Variants in DHX58 observed in about 807,000 individuals in gnomAD.
The protein encoded by DHX58 is ATP-dependent RNA helicase DHX58.
Under a neutral mutation model 65.0 loss-of-function variants are expected in DHX58, and 51 were observed. That is an observed-to-expected ratio of 0.78 (90% CI 0.63 to 0.99). DHX58 has a LOEUF of 0.99. Ranked by LOEUF, DHX58 falls within the 50% of genes least tolerant of loss-of-function variation. The pLI is 0.00. For missense variants in DHX58, 773 were observed against 891.8 expected, an observed-to-expected ratio of 0.87 and a Z score of 1.70; for synonymous variants, 350 against 365.0, an observed-to-expected ratio of 0.96 and a Z score of 0.47.
Position 42,112,195 on chromosome 17 carries a change from G to A in DHX58, c.-84C>T. 3.7e-6 allele frequency: 1 copy of A among 267,334 alleles called. No homozygotes were observed. Among genetic ancestry groups the A allele is most frequent in the Non-Finnish European group, 7.0e-6 (1 of 142,458 alleles). 16.6% of individuals were successfully genotyped at this position (267,334 alleles called of 1,614,324 possible). ...TCTGCTCAGCTCAGAGACCCAAGAT[G>A]GAAACTGAAACTGAGGGAAGGAGCC... On this transcript the variant is annotated 5_prime_UTR_variant, in exon 2 of 14. Coordinates refer to ENST00000251642, the MANE Select transcript of DHX58 (RefSeq NM_024119.3).
Position 42,101,618 on chromosome 17 carries a change from G to C in DHX58, c.*143C>G, listed in dbSNP as rs1229337330. 3 of 1,130,250 alleles carry C rather than the reference G, an allele frequency of 2.7e-6. No individual in the cohort carries two copies. The highest frequency in any genetic ancestry group is 5.3e-5 in the Admixed American group (2 of 37,518). 70.0% of individuals were successfully genotyped at this position (1,130,250 alleles called of 1,614,324 possible). A position where few individuals can be genotyped will look rare whatever the true frequency, so the allele number is the denominator to read the frequency against. On this transcript the variant is annotated 3_prime_UTR_variant, in exon 14 of 14. Coordinates refer to ENST00000251642, the MANE Select transcript of DHX58 (RefSeq NM_024119.3). ...CTCCGGTTGTTTTCCCATTGCGGGA[G>C]CCTAAGCCAGGGTGCCCAGGACTCC...
At chr17:42,105,701 C>CT in intron 9 of DHX58, 35 bp downstream of exon 9, 1 of 1,526,818 alleles carries the variant, frequency 6.5e-7, no homozygotes, top group South Asian at 1.3e-5. Context: ...TATGGAATCC[C>CT]TCCCAGCGCC....
chr17:42,111,548 G>A (rs782068920), intron 3 of DHX58, 51 bp from the exon 4 acceptor site: 1 of 1,606,116 alleles, frequency 6.2e-7, no homozygotes, highest in Non-Finnish European at 8.5e-7. Flanking sequence ...GGGGCCAGGG[G>A]TAGGGAGGCG....
rs1289430903 is a variant in DHX58 at position 42,105,729 on chromosome 17, C to T, written c.1251+7G>A. On this transcript the variant is annotated splice_region_variant and intron_variant, in intron 9 of 13. Transcript: ENST00000251642. The stretch of plus-strand genomic sequence containing the variant: ...CCAGCGCCAGCATCTTTCCCCGAAG[C>T]CCACACCTGGGTCATGTGGGTGCTC... The T allele has an allele frequency of 2.6e-6, 4 of 1,545,586 alleles. No individual in the cohort carries two copies. The highest frequency in any genetic ancestry group is 1.3e-5 in the South Asian group (1 of 79,926).
chr17:42,105,268 C>A, intron 9 of DHX58, 101 bp from the exon 10 acceptor site: 1 of 1,403,086 alleles, frequency 7.1e-7, no homozygotes, highest in Non-Finnish European at 9.5e-7. Context: ...CCCTCACTCC[C>A]AATCTTGGTC....
chr17:42,104,954 G>C (rs1555662289), intron 10 of DHX58, 27 bp from the exon 11 acceptor site: 1 of 1,613,402 alleles, frequency 6.2e-7, no homozygotes. Context: ...GGGGTGTCCT[G>C]AGTTGGGCTG....
At chr17:42,112,079 G>C (rs1555664522) in intron 2 of DHX58, 34 bp downstream of exon 2, 1 of 691,390 alleles carries the variant, frequency 1.4e-6, no homozygotes, top group South Asian at 2.3e-5. Context: ...AGTAACACAG[G>C]CTACACCTGC....
At position 42,111,431 on chromosome 17, in the gene DHX58, TTG is replaced by T. The variant is rs1555664220; in HGVS notation, c.233_234del (p.Thr78AsnfsTer20). On this transcript the variant is annotated frameshift_variant, in exon 4 of 14. Coordinates refer to ENST00000251642, the MANE Select transcript of DHX58 (RefSeq NM_024119.3). LOFTEE classifies it high-confidence loss of function. ...RRMLDGRWTV[T>X]TLSGDMGPRA... ...CGTGGTCCCATGTCCCCACTCAGGGTTGTCACGGTCCAGCGTCCATCCAGCAT... is the reference window on the plus strand; with the variant it reads ...CGTGGTCCCATGTCCCCACTCAGGGTTCACGGTCCAGCGTCCATCCAGCAT... 1 of 1,614,062 alleles carries T rather than the reference TTG, an allele frequency of 6.2e-7. No homozygotes were observed. The highest frequency in any genetic ancestry group is 1.1e-5 in the South Asian group (1 of 91,078).
intron 8 of DHX58, 72 bp downstream of exon 8, chr17:42,107,532 C>CTGTG (rs1333761660): frequency 9.7e-6 from 14 of 1,448,624 alleles, no homozygotes; most frequent in Non-Finnish European, 1.3e-5. Flanking sequence ...ACCTTGGCGC[C>CTGTG]TGTGCCCTGG....
chr17:42,102,434 A>G (rs1383311230), intron 12 of DHX58, 122 bp from the exon 13 acceptor site: 3 of 798,348 alleles, frequency 3.8e-6, no homozygotes, highest in Non-Finnish European at 6.3e-6. Flanking sequence ...AGAGGCACAG[A>G]CTTCCCAGGC....
rs1555663074 is a variant in DHX58 at position 42,107,731 on chromosome 17, C to G, written c.870G>C (p.Ala290=). ...CGCGGACGGTGTCATGGATGAGCAG[C>G]GCGTCATTGTAGCGCCTCAGGTGAA... ...YALHLRRYND[A]LLIHDTVRAV... Residue 290 remains alanine, a synonymous_variant, in exon 8 of 14, where the codon GCG becomes GCC. Coordinates refer to ENST00000251642, the MANE Select transcript of DHX58 (RefSeq NM_024119.3). The G allele has an allele frequency of 6.2e-7, 1 of 1,606,944 alleles. No individual in the cohort carries two copies. The highest frequency in any genetic ancestry group is 8.5e-7 in the Non-Finnish European group (1 of 1,176,608).
intron 3 of DHX58, 35 bp downstream of exon 3, chr17:42,111,690 G>C: frequency 6.3e-7 from 1 of 1,587,022 alleles, no homozygotes; most frequent in Non-Finnish European, 8.6e-7. Flanking sequence ...ACCCTGCTTG[G>C]TGGTGGGAGA....
Position 42,105,891 on chromosome 17 carries a change from T to C in DHX58, c.1096A>G (p.Asn366Asp). ...KILQRQFSSSNSPRGIIFTRT... is the reference protein window; with the variant it reads ...KILQRQFSSSDSPRGIIFTRT... ...GTGAAGATGATACCCCGAGGGCTGT[T>C]AGAGCTACTGAACTGCCTTTGCAGG... Residue 366 changes from asparagine to aspartate, a missense_variant, in exon 9 of 14, where the codon AAC becomes GAC. Coordinates refer to ENST00000251642, the MANE Select transcript of DHX58 (RefSeq NM_024119.3). 1 of 1,613,954 alleles carries C rather than the reference T, an allele frequency of 6.2e-7. No homozygotes were observed. Among genetic ancestry groups the C allele is most frequent in the Non-Finnish European group, 8.5e-7 (1 of 1,180,022 alleles).
At chr17:42,111,270 T>C in intron 4 of DHX58, 26 bp downstream of exon 4, 1 of 1,601,816 alleles carries the variant, frequency 6.2e-7, no homozygotes, top group Non-Finnish European at 8.5e-7. Flanking sequence ...GATGCGTATC[T>C]TTTTCCTCCC....
intron 5 of DHX58, 44 bp from the exon 6 acceptor site, chr17:42,109,430 G>C: frequency 6.5e-7 from 1 of 1,542,268 alleles, no homozygotes; most frequent in Non-Finnish European, 8.9e-7. Flanking sequence ...GGGTCTGTGG[G>C]GACAATGGTC....
At chr17:42,107,329 G>A (rs1452861737) in intron 8 of DHX58, among the ~76,000 whole-genome samples, 2 of 149,526 alleles carry the variant, frequency 1.3e-5, no homozygotes, top group African/African-American at 2.5e-5. Context: ...TTGCACAACT[G>A]TCCTCCAGCC....
At chr17:42,102,799 G>GC (rs2053998739) in intron 12 of DHX58, 1 of 149,342 alleles carries the variant, frequency 6.7e-6, no homozygotes, top group African/African-American at 2.5e-5. Flanking sequence ...AACTGGTGTC[G>GC]CTTTTTTTTT....
intron 9 of DHX58, 97 bp downstream of exon 9, chr17:42,105,639 T>C (rs73986521): frequency 0.055 from 81,042 of 1,478,044 alleles, 2,414 homozygotes; most frequent in Non-Finnish European, 0.06. Flanking sequence ...CCCCAGGGTC[T>C]CCCTGCCCCC....
chr17:42,102,116 G>T, intron 13 of DHX58, 100 bp downstream of exon 13: 1 of 1,463,648 alleles, frequency 6.8e-7, no homozygotes, highest in Non-Finnish European at 9.5e-7. Flanking sequence ...TGGAGGCCAT[G>T]GGGTGGGACT....
Sources: gnomAD v4.1 joint callset for allele counts (sites outside exome capture counted in the v4.1 genomes callset) on GRCh38, gnomAD v4.1.1 for gene constraint, MANE v1.5 for transcripts, NCBI Gene and HGNC (gene_info 2026-07-23, HGNC 2026-07-21) for gene names.